The following RBM45 variants were observed in gnomAD, a reference collection of about 807,000 sequenced individuals.
RBM45 encodes RNA binding motif protein 45, also known as RNA-binding protein 45.
Under a neutral mutation model 58.5 loss-of-function variants are expected in RBM45, and 39 were observed. The observed-to-expected ratio is 0.67, with a 90% confidence interval of 0.52 to 0.87. The LOEUF (loss-of-function observed/expected upper bound fraction) is 0.87. RBM45 is among the 40% of genes least tolerant of loss of function. The pLI is 0.00. For missense variants in RBM45, 481 were observed against 581.6 expected, an observed-to-expected ratio of 0.83 and a Z score of 1.78; for synonymous variants, 193 against 203.0, an observed-to-expected ratio of 0.95 and a Z score of 0.42.
rs573592811 is a variant in RBM45, at chr2:178,112,534, C to A, written c.-13C>A. ...CAAAGAGCAGTGAGGCTCCTGCATT[C>A]GGGTGGAGCACCATGGACGAAGCTG... is the stretch of plus-strand genomic sequence containing the variant. On this transcript the variant is annotated 5_prime_UTR_variant, in exon 1 of 10. Coordinates refer to ENST00000286070, the MANE Select transcript of RBM45 (RefSeq NM_152945.4). 3.7e-6 allele frequency: 6 copies of A among 1,607,096 alleles called. No homozygotes were observed. The South Asian group carries it at 4.4e-5, about 12-fold the overall frequency.
intron 8 of RBM45, 95 bp from the exon 9 acceptor site, chr2:178,125,889 A>C: frequency 1.2e-6 from 1 of 867,938 alleles, no homozygotes; most frequent in Non-Finnish European, 1.9e-6. Context: ...TCTGGGGAGA[A>C]GGGTGAAAAT....
chr2:178,137,313 GT>G (rs2088052694), exon 4 of RBM45: 1 of 152,134 alleles, frequency 6.6e-6, no homozygotes, highest in Admixed American at 6.5e-5. Flanking sequence ...TTGGGAAAAT[GT>G]TTGACAGTAT....
chr2:178,123,911 T>C lies in RBM45; in HGVS notation c.1067T>C (p.Met356Thr), dbSNP rs2087890977. Residue 356 changes from methionine (M) to threonine (T), a missense_variant and splice_region_variant, in exon 7 of 10, where the codon ATG (methionine) becomes ACG (threonine). Transcript: ENST00000286070. ...AATAACCCAAGTCAGCAACAATTTA[T>C]GGTAAGTAGGTAAGAATTTAACCTT... ...VWNNPSQQQF[M>T]QFGGSSGSQL... is the part of the protein sequence containing the mutation. The C allele has an allele frequency of 1.2e-6, 2 of 1,613,002 alleles. No homozygotes were observed. Among genetic ancestry groups the C allele is most frequent in the South Asian group, 2.2e-5 (2 of 91,026 alleles).
chr2:178,130,556 T>C (rs2087995405), downstream of RBM45, among the ~76,000 whole-genome samples: 1 of 152,070 alleles, frequency 6.6e-6, no homozygotes, highest in East Asian at 1.9e-4. Flanking sequence ...GATTAAAAAT[T>C]AGGGATCTAT....
In RBM45 at chr2:178,112,472, G is replaced by C. The variant is rs961562972; in HGVS notation, c.-75G>C. The C allele has an allele frequency of 4.3e-6, 6 of 1,383,594 alleles. No homozygotes were observed. The African/African-American group carries it at 8.6e-5, about 20-fold the overall frequency. 85.7% of individuals were successfully genotyped at this position (1,383,594 alleles called of 1,614,324 possible). A position where few individuals can be genotyped will look rare whatever the true frequency, so the allele number is the denominator to read the frequency against. On this transcript the variant is annotated 5_prime_UTR_variant, in exon 1 of 10. Coordinates refer to ENST00000286070, the MANE Select transcript of RBM45 (RefSeq NM_152945.4). ...CGGAGCACCGAGCCGGCAAAGGCTT[G>C]GGTGTGAGACAGCAGCGGTGGCAGA...
At chr2:178,137,077 A>G (rs925520950) in exon 4 of RBM45, 2 of 152,332 alleles carry the variant, frequency 1.3e-5, no homozygotes, top group Middle Eastern at 3.4e-3. Context: ...TTCATTTTGT[A>G]AAGAAATATT....
intron 2 of RBM45, among the ~76,000 whole-genome samples, chr2:178,116,940 G>A (rs1321707327): frequency 6.6e-6 from 1 of 151,896 alleles, no homozygotes; most frequent in Non-Finnish European, 1.5e-5. Flanking sequence ...GGCCTTTGAA[G>A]GAATTATATT....
chr2:178,116,364 G>A lies in RBM45; in HGVS notation c.403G>A (p.Asp135Asn). The change falls in exon 2 of 10, where the codon GAT becomes AAT. Residue 135 changes from aspartate to asparagine, a missense_variant. By Grantham distance (23) the Asp-to-Asn change is conservative. Coordinates refer to ENST00000286070, the MANE Select transcript of RBM45 (RefSeq NM_152945.4). ...VMIPKSYTEE[D>N]LREKFKVYGD... ...GATACCAAAGTCCTACACAGAAGAA[G>A]ATCTGCGGGAAAAATTTAAGGTATT... 6.2e-7 allele frequency: 1 copy of A among 1,604,506 alleles called. No homozygotes were observed. The highest frequency in any genetic ancestry group is 8.5e-7 in the Non-Finnish European group (1 of 1,177,472).
At chr2:178,116,979 A>C (rs965554215) in intron 2 of RBM45, among the ~76,000 whole-genome samples, 6 of 152,174 alleles carry the variant, frequency 3.9e-5, no homozygotes, top group Non-Finnish European at 7.3e-5. Flanking sequence ...TATAGCTCTG[A>C]CCTATATAAG....
At chr2:178,134,822 T>A (rs1183212831) in intron 3 of RBM45, among the ~76,000 whole-genome samples, 1 of 152,076 alleles carries the variant, frequency 6.6e-6, no homozygotes, top group Non-Finnish European at 1.5e-5. Context: ...TAAATCCCTG[T>A]CTCTACTACA....
Position 178,126,034 on chromosome 2 carries a change from G to T in RBM45, c.1283G>T (p.Gly428Val). The change falls in exon 9 of 10, where the codon GGG (glycine) becomes GTG (valine). Residue 428 changes from glycine (G) to valine (V), a missense_variant. Transcript: ENST00000286070. ...TACCTTGTGTCAGGAAAAAATGTGG[G>T]GTATGCCAAGTATGCCGATAGAATA... The part of the protein sequence containing the change: ...EVYLVSGKNV[G>V]YAKYADRISA... The T allele has an allele frequency of 6.2e-7, 1 of 1,613,812 alleles. No individual in the cohort carries two copies. Among genetic ancestry groups the T allele is most frequent in the Non-Finnish European group, 8.5e-7 (1 of 1,179,854 alleles).
At chr2:178,134,774 T>C (rs1439771974) in intron 3 of RBM45, among the ~76,000 whole-genome samples, 1 of 152,080 alleles carries the variant, frequency 6.6e-6, no homozygotes, top group Non-Finnish European at 1.5e-5. Flanking sequence ...GGCGGATCAC[T>C]TGAGGTCAGG....
At chr2:178,126,943 CTT>C (rs999019346) in intron 9 of RBM45, among the ~76,000 whole-genome samples, 1 of 151,232 alleles carries the variant, frequency 6.6e-6, no homozygotes, top group Non-Finnish European at 1.5e-5. Flanking sequence ...TAAAGTTTGA[CTT>C]TTTTTTTCCC....
At chr2:178,134,573 T>TC (rs947069582), downstream of RBM45, among the ~76,000 whole-genome samples, 20 of 152,036 alleles carry the variant, frequency 1.3e-4, no homozygotes, top group African/African-American at 4.8e-4. Flanking sequence ...TTGCTCTGTT[T>TC]TTTTTTGTTG....
At chr2:178,133,754 A>C (rs1045989661), downstream of RBM45, 1 of 152,228 alleles carries the variant, frequency 6.6e-6, no homozygotes, top group Non-Finnish European at 1.5e-5. Flanking sequence ...TTATTTTTAC[A>C]TATGATTTCA....
intron 3 of RBM45, 47 bp from the exon 4 acceptor site, chr2:178,120,240 G>A: frequency 1.9e-6 from 3 of 1,609,462 alleles, no homozygotes; most frequent in Non-Finnish European, 1.7e-6. Flanking sequence ...ATATTTGCAG[G>A]TATGTTAAAT....
chr2:178,124,548 T>C (rs1234641731), intron 8 of RBM45, among the ~76,000 whole-genome samples: 2 of 152,190 alleles, frequency 1.3e-5, no homozygotes, highest in Non-Finnish European at 2.9e-5. Context: ...GTGCAGTGGC[T>C]CATGCCTGTA....
At chr2:178,137,165 A>G (rs903589851) in exon 4 of RBM45, 1 of 152,240 alleles carries the variant, frequency 6.6e-6, no homozygotes, top group Non-Finnish European at 1.5e-5. Context: ...CGTATTAGTC[A>G]TCAATGAACT....
At chr2:178,120,999 G>T (rs2087842978) in intron 4 of RBM45, 181 bp from the exon 5 acceptor site, 1 of 407,996 alleles carries the variant, frequency 2.5e-6, no homozygotes, top group Non-Finnish European at 4.3e-6. Context: ...AGGTAGGGGA[G>T]TGGGGAGAGT....
Sources: gnomAD v4.1 joint callset for allele counts (sites outside exome capture counted in the v4.1 genomes callset) on GRCh38, gnomAD v4.1.1 for gene constraint, MANE v1.5 for transcripts, NCBI Gene and HGNC (gene_info 2026-07-23, HGNC 2026-07-21) for gene names.